Variants in ATP9B observed in about 807,000 individuals in gnomAD.
The protein encoded by ATP9B is ATPase phospholipid transporting 9B.
A neutral mutation model predicts 146.1 loss-of-function variants in ATP9B; 110 were observed. The observed-to-expected ratio is 0.75, with a 90% confidence interval of 0.65 to 0.88. The LOEUF is 0.88. Among genes scored for constraint, ATP9B ranks in the 40% least tolerant of loss-of-function variants. ATP9B has a pLI of 0.00. For synonymous variants in ATP9B, 604 were observed against 569.7 expected, an observed-to-expected ratio of 1.06 and a Z score of -0.86; for missense variants, 1,499 against 1,496.4, an observed-to-expected ratio of 1.00 and a Z score of -0.03.
In ATP9B at chr18:79,200,712, A is replaced by AGAGGCG. The variant is rs1480083617; in HGVS notation, c.955-6221_955-6220insCGGAGG. 4.9e-4 allele frequency among the ~76,000 whole-genome samples: 75 copies of AGAGGCG among 152,266 alleles called. 1 individual carries two copies. The highest frequency in any genetic ancestry group is 1.5e-3 in the African/African-American group (63 of 41,538). ...TGAGTAAATGTGTTTATGTCAGAGC[A>AGAGGCG]GAGGTGGAGGTGGGGACTGTCGGGG... On this transcript the variant is annotated intron_variant, in intron 9 of 29. Transcript: ENST00000426216.
chr18:79,190,578 C>T (rs530022481), intron 8 of ATP9B, among the ~76,000 whole-genome samples: 2 of 151,784 alleles, frequency 1.3e-5, no homozygotes, highest in Admixed American at 6.6e-5. Flanking sequence ...GAGTTTTGCT[C>T]TGTCACCCAG....
In ATP9B at chr18:79,197,623, G is replaced by A. The variant is rs541568968; in HGVS notation, c.954+4360G>A. 7.9e-5 allele frequency among the ~76,000 whole-genome samples: 12 copies of A among 152,178 alleles called. No individual in the cohort carries two copies. In the South Asian group the frequency reaches 2.5e-3, roughly 32 times the overall value. ...TAAAGGTTGCATATAATAATTCTCA[G>A]AGCAACCACTAAAAAAAGAAAGAGG... On this transcript the variant is annotated intron_variant, in intron 9 of 29. Coordinates refer to ENST00000426216, the MANE Select transcript of ATP9B (RefSeq NM_198531.5).
chr18:79,211,420 T>C (rs1028734142), intron 10 of ATP9B, among the ~76,000 whole-genome samples: 2 of 152,144 alleles, frequency 1.3e-5, no homozygotes, highest in Non-Finnish European at 2.9e-5. Context: ...CATGATAGGG[T>C]TGGACTATAG....
chr18:79,340,991 A>G (rs1271237741), intron 19 of ATP9B, among the ~76,000 whole-genome samples: 4 of 152,184 alleles, frequency 2.6e-5, no homozygotes, highest in African/African-American at 9.7e-5. Context: ...ACTCACAGCT[A>G]TCCTTATTAG....
At chr18:79,272,531 C>A (rs1243669326) in intron 12 of ATP9B, among the ~76,000 whole-genome samples, 1 of 151,856 alleles carries the variant, frequency 6.6e-6, no homozygotes, top group Non-Finnish European at 1.5e-5. Flanking sequence ...ACGCTCCTGT[C>A]CCTGAGCTCT....
rs1279731831 is a variant in ATP9B at position 79,377,249 on chromosome 18, G to A, written c.3310G>A (p.Val1104Ile). Reference protein sequence around the residue: ...GRVSFGAFLDVAFITTVTFLW... With the variant: ...GRVSFGAFLDIAFITTVTFLW... Reference sequence around the variant, plus strand: ...TTTTCTCTGTTTCCTGCCAACAGATGTTGCCTTTATCACCACCGTGACCTT... The same window carrying A: ...TTTTCTCTGTTTCCTGCCAACAGATATTGCCTTTATCACCACCGTGACCTT... Residue 1104 changes from valine to isoleucine, a missense_variant and splice_region_variant, in exon 30 of 30, where the codon GTT becomes ATT. Val to Ile is a conservative substitution (Grantham distance 29). Transcript: ENST00000426216. 6.2e-7 allele frequency: 1 copy of A among 1,611,634 alleles called. No individual in the cohort carries two copies. The highest frequency in any genetic ancestry group is 8.5e-7 in the Non-Finnish European group (1 of 1,180,012).
intron 29 of ATP9B, 142 bp from the exon 30 acceptor site, chr18:79,377,105 A>G (rs778677192): frequency 5.9e-5 from 55 of 928,720 alleles, no homozygotes; most frequent in Non-Finnish European, 8.1e-5. Context: ...TGAGATTTGG[A>G]GCTGGGCCCC....
chr18:79,123,507 T>C (rs2094225920), intron 4 of ATP9B, among the ~76,000 whole-genome samples: 2 of 151,814 alleles, frequency 1.3e-5, no homozygotes, highest in Non-Finnish European at 1.5e-5. Flanking sequence ...CTCCTAACAG[T>C]ATCCTAGCTG....
intron 8 of ATP9B, among the ~76,000 whole-genome samples, chr18:79,181,606 T>C (rs2095253248): frequency 6.6e-6 from 1 of 152,176 alleles, no homozygotes; most frequent in Non-Finnish European, 1.5e-5. Flanking sequence ...CAGCCTTTTT[T>C]TTCCTTCTGT....
chr18:79,232,068 A>T lies in ATP9B; in HGVS notation c.1107+18030A>T, dbSNP rs900459496. On this transcript the variant is annotated intron_variant, in intron 11 of 29. Coordinates refer to ENST00000426216, the MANE Select transcript of ATP9B (RefSeq NM_198531.5). The stretch of plus-strand genomic sequence containing the variant: ...CTACACACTGGATACAGTGTACACT[A>T]CTCTGGTGATGACCTTCTGTAAAGA... Among the ~76,000 whole-genome samples the T allele has an allele frequency of 1.3e-4, 20 of 151,762 alleles. 1 individual carries two copies. The highest frequency in any genetic ancestry group is 1.2e-4 in the Non-Finnish European group (8 of 67,928).
At chr18:79,183,733 C>A (rs957186168) in intron 8 of ATP9B, among the ~76,000 whole-genome samples, 5 of 149,396 alleles carry the variant, frequency 3.3e-5, no homozygotes, top group Non-Finnish European at 5.9e-5. Context: ...TCCTGCTTTC[C>A]ATACAAAATC....
At chr18:79,325,286 G>A (rs573989714) in intron 15 of ATP9B, among the ~76,000 whole-genome samples, 1 of 152,208 alleles carries the variant, frequency 6.6e-6, no homozygotes, top group African/African-American at 2.4e-5. Context: ...CATCTCTTAT[G>A]CCTTTTCTGT....
At chr18:79,159,296 A>G (rs1410661649) in intron 7 of ATP9B, among the ~76,000 whole-genome samples, 1 of 152,150 alleles carries the variant, frequency 6.6e-6, no homozygotes, top group Non-Finnish European at 1.5e-5. Context: ...ACACTTGCTA[A>G]TTATTATTAT....
intron 2 of ATP9B, among the ~76,000 whole-genome samples, chr18:79,104,447 G>A (rs942581311): frequency 3.3e-5 from 5 of 152,186 alleles, no homozygotes; most frequent in African/African-American, 1.2e-4. Context: ...AGTAACAGTA[G>A]CATACCAGCA....
chr18:79,336,599 CACCT>C lies in ATP9B; in HGVS notation c.2029-28_2029-25del, dbSNP rs779566712. 6 of 1,608,868 alleles carry C rather than the reference CACCT, an allele frequency of 3.7e-6. No homozygotes were observed. In the Admixed American group the frequency reaches 6.7e-5, roughly 18 times the overall value. On this transcript the variant is annotated intron_variant, in intron 17 of 29. Coordinates refer to ENST00000426216, the MANE Select transcript of ATP9B (RefSeq NM_198531.5). ...ACGGCCACAGGGGCTCTGCAGGGCCCACCTGTGACTCGGCCTCTCCTTTTCCAGT... is the reference window on the plus strand; with the variant it reads ...ACGGCCACAGGGGCTCTGCAGGGCCCGTGACTCGGCCTCTCCTTTTCCAGT...
intron 1 of ATP9B, among the ~76,000 whole-genome samples, chr18:79,093,735 C>G (rs1199575124): frequency 6.6e-6 from 1 of 152,120 alleles, no homozygotes; most frequent in African/African-American, 2.4e-5. Context: ...CACACCCCCT[C>G]CCCCATCTGC....
chr18:79,173,676 G>A (rs2095114873), intron 7 of ATP9B: 1 of 455,760 alleles, frequency 2.2e-6, no homozygotes, highest in Non-Finnish European at 4.4e-6. Flanking sequence ...TTGTTCCATT[G>A]ATCTGTGTTT....
intron 7 of ATP9B, among the ~76,000 whole-genome samples, chr18:79,174,457 G>C (rs1400151315): frequency 6.6e-6 from 1 of 152,190 alleles, no homozygotes; most frequent in Non-Finnish European, 1.5e-5. Context: ...TGAGTCTCCT[G>C]GTTTCTGATT....
chr18:79,319,350 A>C (rs2096701800), intron 15 of ATP9B, among the ~76,000 whole-genome samples: 1 of 152,320 alleles, frequency 6.6e-6, no homozygotes, highest in South Asian at 2.1e-4. Flanking sequence ...GAGAGGGAAC[A>C]GTTCCCTAGG....
Sources: gnomAD v4.1 joint callset for allele counts (sites outside exome capture counted in the v4.1 genomes callset) on GRCh38, gnomAD v4.1.1 for gene constraint, MANE v1.5 for transcripts, NCBI Gene and HGNC (gene_info 2026-07-23, HGNC 2026-07-21) for gene names.